LRRC4C: variants seen among roughly 807,000 people sequenced by gnomAD.
LRRC4C encodes leucine rich repeat containing 4C.
Under a neutral mutation model 33.6 loss-of-function variants are expected in LRRC4C, and 5 were observed. The ratio of observed to expected loss-of-function variants is 0.15; its 90% confidence interval spans 0.08 to 0.31. The LOEUF (loss-of-function observed/expected upper bound fraction) is 0.31. LRRC4C is among the 10% of genes least tolerant of loss of function. The pLI, the probability that LRRC4C is intolerant of heterozygous loss-of-function variation, is 1.00. For missense variants in LRRC4C, 560 were observed against 796.7 expected, an observed-to-expected ratio of 0.70 and a Z score of 3.58; for synonymous variants, 329 against 302.0, an observed-to-expected ratio of 1.09 and a Z score of -0.93.
intron 1 of LRRC4C, among the ~76,000 whole-genome samples, chr11:41,253,078 T>A (rs1173925306): frequency 1.3e-5 from 2 of 152,126 alleles, no homozygotes; most frequent in Admixed American, 6.6e-5. Context: ...CACATGGCTA[T>A]TTCTTAGAAT....
chr11:40,738,632 CA>C (rs1171544531), intron 2 of LRRC4C, among the ~76,000 whole-genome samples: 2 of 152,044 alleles, frequency 1.3e-5, no homozygotes, highest in Non-Finnish European at 1.5e-5. Flanking sequence ...TTTGGAGACA[CA>C]AAACTTTAGC....
intron 1 of LRRC4C, among the ~76,000 whole-genome samples, chr11:41,234,320 C>A (rs983053160): frequency 2.0e-5 from 3 of 151,952 alleles, no homozygotes; most frequent in African/African-American, 4.8e-5. Flanking sequence ...CTAAAATGAG[C>A]TAATTAACAT....
intron 1 of LRRC4C, among the ~76,000 whole-genome samples, chr11:41,365,165 T>G (rs569652615): frequency 1.2e-3 from 184 of 152,266 alleles, no homozygotes; most frequent in African/African-American, 4.3e-3. Flanking sequence ...GCCTGAGCTC[T>G]GCCTCCTGTC....
intron 5 of LRRC4C, among the ~76,000 whole-genome samples, chr11:40,180,751 G>A (rs1473141771): frequency 6.6e-6 from 1 of 152,200 alleles, no homozygotes; most frequent in African/African-American, 2.4e-5. Context: ...GGAGATGTTT[G>A]CATGCATGTG....
chr11:41,063,726 C>A (rs548918386), intron 1 of LRRC4C, among the ~76,000 whole-genome samples: 15 of 152,300 alleles, frequency 9.8e-5, no homozygotes, highest in African/African-American at 3.4e-4. Context: ...AGCAAGAAAG[C>A]AGCTTTATAA....
At chr11:41,368,563 A>G (rs1952628489) in intron 1 of LRRC4C, among the ~76,000 whole-genome samples, 2 of 152,328 alleles carry the variant, frequency 1.3e-5, no homozygotes, top group South Asian at 4.1e-4. Context: ...CTTTGGAATG[A>G]TATTTTTAGC....
rs573616513 is a variant in LRRC4C at position 40,659,261 on chromosome 11, T to C, written c.-406-10983A>G. 4.6e-5 allele frequency among the ~76,000 whole-genome samples: 7 copies of C among 152,320 alleles called. No homozygotes were observed. The East Asian group carries it at 1.4e-3, about 29-fold the overall frequency. ...CCAGTCCCCTGCCACCTTGGTCCTC[T>C]CTGGACTTTGGGCCCTGATGAGGGC... On this transcript the variant is annotated intron_variant, in intron 2 of 6. Coordinates refer to ENST00000528697, the MANE Select transcript of LRRC4C (RefSeq NM_001258419.2).
intron 3 of LRRC4C, among the ~76,000 whole-genome samples, chr11:40,414,306 T>C (rs1353585247): frequency 1.3e-5 from 2 of 152,088 alleles, no homozygotes; most frequent in East Asian, 3.9e-4. Context: ...ATTACAGATT[T>C]TGCTGAACAT....
intron 3 of LRRC4C, among the ~76,000 whole-genome samples, chr11:40,422,848 T>G (rs1476071502): frequency 6.6e-6 from 1 of 152,176 alleles, no homozygotes; most frequent in Non-Finnish European, 1.5e-5. Context: ...GCTGAGCTAC[T>G]TGCACTGGCT....
intron 3 of LRRC4C, among the ~76,000 whole-genome samples, chr11:40,597,965 G>C (rs532339693): frequency 2.2e-4 from 34 of 152,182 alleles, no homozygotes; most frequent in Non-Finnish European, 4.4e-4. Flanking sequence ...TGTGAGCTTT[G>C]ATCAATTAAG....
rs769908593 is a variant in LRRC4C at position 40,451,113 on chromosome 11, A to C, written c.-269-131392T>G. On this transcript the variant is annotated intron_variant, in intron 3 of 6. Transcript: ENST00000528697. ...CAGTAGCTTATTTAACAATGAAAAA[A>C]AACCTAGAACAGGAGCAAACTAAAC... 2.0e-5 allele frequency among the ~76,000 whole-genome samples: 3 copies of C among 151,958 alleles called. No individual in the cohort carries two copies. In the East Asian group the frequency reaches 5.8e-4, roughly 29 times the overall value.
At chr11:40,163,400 A>G (rs74345940) in intron 5 of LRRC4C, among the ~76,000 whole-genome samples, 1,612 of 152,282 alleles carry the variant, frequency 0.011, 25 homozygotes, top group African/African-American at 0.037. Flanking sequence ...GTAAGGTAAT[A>G]AAACTCTCCC....
At chr11:41,294,642 G>A (rs796458660) in intron 1 of LRRC4C, among the ~76,000 whole-genome samples, 4 of 152,218 alleles carry the variant, frequency 2.6e-5, no homozygotes, top group African/African-American at 9.6e-5. Context: ...GTTAAAATGT[G>A]CATAAAGTTT....
At chr11:40,180,848 T>G (rs1190187355) in intron 5 of LRRC4C, among the ~76,000 whole-genome samples, 1 of 152,180 alleles carries the variant, frequency 6.6e-6, no homozygotes, top group Non-Finnish European at 1.5e-5. Flanking sequence ...ATATTTTTTG[T>G]TTTGTATTTA....
intron 3 of LRRC4C, among the ~76,000 whole-genome samples, chr11:40,492,959 TC>T (rs1303762054): frequency 1.3e-5 from 2 of 152,040 alleles, no homozygotes; most frequent in Admixed American, 6.6e-5. Flanking sequence ...CCAAGGGCCA[TC>T]TTTTCTACCT....
At chr11:41,193,152 A>G (rs182621662) in intron 1 of LRRC4C, among the ~76,000 whole-genome samples, 1 of 152,250 alleles carries the variant, frequency 6.6e-6, no homozygotes, top group East Asian at 1.9e-4. Context: ...TGGGTTGTAC[A>G]ACAAGAAGGT....
intron 1 of LRRC4C, among the ~76,000 whole-genome samples, chr11:41,191,078 G>A (rs1399330721): frequency 6.6e-6 from 1 of 152,060 alleles, no homozygotes; most frequent in East Asian, 1.9e-4. Flanking sequence ...CTCTTTAAGG[G>A]CAAAGTGTTT....
chr11:40,439,374 G>A lies in LRRC4C; in HGVS notation c.-269-119653C>T, dbSNP rs183666854. Among the ~76,000 whole-genome samples, 348 of 152,002 alleles carry A rather than the reference G, an allele frequency of 2.3e-3. 10 individuals carry two copies. Among genetic ancestry groups the A allele is most frequent in the Admixed American group, 0.021 (325 of 15,258 alleles). ...TGGTCTCCTTATTTATAAAGTGAGA[G>A]AATTAGGCTCAGAATTAAATGATAT... is the stretch of plus-strand genomic sequence containing the variant. On this transcript the variant is annotated intron_variant, in intron 3 of 6. Transcript: ENST00000528697.
Position 41,111,769 on chromosome 11 carries a change from C to T in LRRC4C, c.-495-178046G>A, listed in dbSNP as rs183218770. Reference sequence around the variant, plus strand: ...AAGCACAAGTAAAAGTAACCTTTCCCTGTCTAGATTTTACATATCTGGTGG... The same window carrying T: ...AAGCACAAGTAAAAGTAACCTTTCCTTGTCTAGATTTTACATATCTGGTGG... On this transcript the variant is annotated intron_variant, in intron 1 of 6. Transcript: ENST00000528697. 7.2e-5 allele frequency among the ~76,000 whole-genome samples: 11 copies of T among 152,132 alleles called. No homozygotes were observed. The East Asian group carries it at 2.1e-3, about 30-fold the overall frequency.
Sources: gnomAD v4.1 joint callset for allele counts (sites outside exome capture counted in the v4.1 genomes callset) on GRCh38, gnomAD v4.1.1 for gene constraint, MANE v1.5 for transcripts, NCBI Gene and HGNC (gene_info 2026-07-23, HGNC 2026-07-21) for gene names.